PLA2G4A: variants seen among roughly 807,000 people sequenced by gnomAD.
The protein encoded by PLA2G4A is phospholipase A2 group IVA, also known as cytosolic phospholipase A2.
PLA2G4A carries 40 observed loss-of-function variants against 81.9 expected under a neutral mutation model. That is an observed-to-expected ratio of 0.49 (90% confidence interval 0.38 to 0.64). PLA2G4A has a LOEUF of 0.64. Among genes scored for constraint, PLA2G4A ranks in the 30% least tolerant of loss-of-function variants. The pLI is 0.00. For synonymous variants in PLA2G4A, 302 were observed against 296.9 expected (o/e 1.02, Z -0.18); for missense variants, 715 against 905.1 (o/e 0.79, Z 2.69).
intron 2 of PLA2G4A, among the ~76,000 whole-genome samples, chr1:186,867,613 G>T (rs1315702522): frequency 6.6e-6 from 1 of 151,518 alleles, no homozygotes; most frequent in Non-Finnish European, 1.5e-5. Flanking sequence ...GATTATATTG[G>T]GTTTTCTACA....
In PLA2G4A at chr1:186,889,434, C is replaced by T. The variant is rs950397247; in HGVS notation, c.116-3577C>T. On this transcript the variant is annotated intron_variant, in intron 3 of 17. Transcript: ENST00000367466. ...ACCCTGGGCATTTGTGTTGCACTCTCACTTTTGCCCCACTGCTCTTTACCA... is the reference window on the plus strand; with the variant it reads ...ACCCTGGGCATTTGTGTTGCACTCTTACTTTTGCCCCACTGCTCTTTACCA... Among the ~76,000 whole-genome samples the T allele has an allele frequency of 4.6e-5, 7 of 152,324 alleles. 1 individual carries two copies. The South Asian group carries it at 6.2e-4, about 14-fold the overall frequency.
At chr1:186,931,680 TC>T (rs1655751326) in intron 7 of PLA2G4A, among the ~76,000 whole-genome samples, 1 of 152,094 alleles carries the variant, frequency 6.6e-6, no homozygotes, top group Admixed American at 6.6e-5. Context: ...TTTTGGTCCT[TC>T]TGGTTGTAAA....
At chr1:186,840,409 T>G (rs888854038) in intron 1 of PLA2G4A, among the ~76,000 whole-genome samples, 1 of 152,160 alleles carries the variant, frequency 6.6e-6, no homozygotes, top group Non-Finnish European at 1.5e-5. Flanking sequence ...TCTTATGATC[T>G]GAGAAGAAAA....
chr1:186,944,167 T>G (rs1040164020), intron 10 of PLA2G4A, among the ~76,000 whole-genome samples: 1 of 152,026 alleles, frequency 6.6e-6, no homozygotes, highest in Non-Finnish European at 1.5e-5. Flanking sequence ...TAGGTAAGTA[T>G]AGTGGGAGGA....
chr1:186,936,431 G>T (rs1401854636), intron 8 of PLA2G4A, among the ~76,000 whole-genome samples: 3 of 151,896 alleles, frequency 2.0e-5, no homozygotes, highest in Non-Finnish European at 4.4e-5. Context: ...GGTCATAGTT[G>T]CTTAATCACT....
chr1:186,906,709 AC>A, intron 5 of PLA2G4A, among the ~76,000 whole-genome samples: 1 of 152,314 alleles, frequency 6.6e-6, no homozygotes. Context: ...AGGGAGGAAA[AC>A]AACCAGGCAG....
At chr1:186,844,080 A>G (rs1454283750) in intron 1 of PLA2G4A, among the ~76,000 whole-genome samples, 2 of 152,230 alleles carry the variant, frequency 1.3e-5, no homozygotes, top group Admixed American at 6.5e-5. Flanking sequence ...GGCAAGTTCC[A>G]TACCATTGGG....
intron 3 of PLA2G4A, among the ~76,000 whole-genome samples, chr1:186,892,429 T>C (rs938210687): frequency 1.3e-5 from 2 of 152,232 alleles, no homozygotes; most frequent in Non-Finnish European, 2.9e-5. Flanking sequence ...TATTTTGAGA[T>C]CTTAACATTT....
intron 2 of PLA2G4A, among the ~76,000 whole-genome samples, chr1:186,868,221 C>T (rs931655351): frequency 2.6e-5 from 4 of 151,682 alleles, no homozygotes; most frequent in Non-Finnish European, 4.4e-5. Flanking sequence ...ATTACAGGCA[C>T]ACACCACCAT....
intron 5 of PLA2G4A, among the ~76,000 whole-genome samples, chr1:186,905,791 A>G (rs1654711732): frequency 6.6e-6 from 1 of 152,208 alleles, no homozygotes; most frequent in Non-Finnish European, 1.5e-5. Flanking sequence ...GACTAGTAAT[A>G]GGAACCTATA....
At chr1:186,943,267 G>C (rs1408722361) in intron 10 of PLA2G4A, among the ~76,000 whole-genome samples, 1 of 152,020 alleles carries the variant, frequency 6.6e-6, no homozygotes, top group Non-Finnish European at 1.5e-5. Context: ...ATAAACATTG[G>C]TGTTTAAACT....
intron 3 of PLA2G4A, among the ~76,000 whole-genome samples, chr1:186,880,346 A>T (rs1653683066): frequency 6.6e-6 from 1 of 151,970 alleles, no homozygotes; most frequent in South Asian, 2.1e-4. Flanking sequence ...GATTGACATA[A>T]TCTGTCCAAT....
chr1:186,873,491 A>G (rs1160257443), intron 3 of PLA2G4A, among the ~76,000 whole-genome samples: 1 of 152,126 alleles, frequency 6.6e-6, no homozygotes, highest in African/African-American at 2.4e-5. Flanking sequence ...ATCTTGGTAA[A>G]GAAGAATGAT....
In PLA2G4A at chr1:186,955,734, C is replaced by CTT. The variant is rs59494152; in HGVS notation, c.1337-351_1337-350dup. On this transcript the variant is annotated intron_variant, in intron 13 of 17. Coordinates refer to ENST00000367466, the MANE Select transcript of PLA2G4A (RefSeq NM_024420.3). ...ACATTCAATTATCCAAAGAAGATCC[C>CTT]TTTTTTTTTTTTTTTTTTAAGACAG... 1.5e-3 allele frequency among the ~76,000 whole-genome samples: 166 copies of CTT among 108,808 alleles called. 12 individuals carry two copies. Among genetic ancestry groups the CTT allele is most frequent in the African/African-American group, 4.6e-3 (130 of 28,434 alleles). The allele number at this position is 108,808 out of a possible 152,430, so 71.4% of individuals were successfully genotyped here. A position where few individuals can be genotyped will look rare whatever the true frequency, so the allele number is the denominator to read the frequency against.
chr1:186,982,398 G>T (rs1041117653), intron 17 of PLA2G4A, among the ~76,000 whole-genome samples: 1 of 152,180 alleles, frequency 6.6e-6, no homozygotes. Flanking sequence ...TATAATAATT[G>T]TAGTAGTGAA....
chr1:186,902,806 C>T (rs1654592471), intron 5 of PLA2G4A, among the ~76,000 whole-genome samples: 1 of 151,782 alleles, frequency 6.6e-6, no homozygotes, highest in Admixed American at 6.6e-5. Context: ...CCCTATCTCC[C>T]CTATCTCCCC....
At chr1:186,855,848 A>T (rs971391529) in intron 2 of PLA2G4A, among the ~76,000 whole-genome samples, 1 of 152,060 alleles carries the variant, frequency 6.6e-6, no homozygotes, top group Non-Finnish European at 1.5e-5. Flanking sequence ...CCGTTTTATT[A>T]GTCAGATAGT....
chr1:186,908,859 G>A (rs1654831153), intron 6 of PLA2G4A, among the ~76,000 whole-genome samples: 1 of 151,256 alleles, frequency 6.6e-6, no homozygotes, highest in Non-Finnish European at 1.5e-5. Flanking sequence ...ATGGAATGAT[G>A]AAGATTAAAT....
At chr1:186,856,293 G>GTA (rs57705488) in intron 2 of PLA2G4A, among the ~76,000 whole-genome samples, 26 of 150,700 alleles carry the variant, frequency 1.7e-4, no homozygotes, top group Non-Finnish European at 3.2e-4. Flanking sequence ...AATCTTGTGT[G>GTA]TATATATATA....
Sources: allele counts gnomAD v4.1 joint callset (sites outside exome capture counted in the v4.1 genomes callset), GRCh38; gene constraint gnomAD v4.1.1; transcripts MANE v1.5; gene names NCBI Gene and HGNC (gene_info 2026-07-23, HGNC 2026-07-21).